AKAP19: variants seen among roughly 807,000 people sequenced by gnomAD.
The protein encoded by AKAP19 is small A-kinase anchoring protein.
chr2:190,028,191 C>T, the AKAP19 span, among the ~76,000 whole-genome samples: 86 of 152,138 alleles, frequency 5.7e-4, 1 homozygote, highest in East Asian at 0.016. Context: ...GAGAAGTAAA[C>T]ATAAAAGGAT....
At chr2:189,936,651 T>C in the AKAP19 span, among the ~76,000 whole-genome samples, 2 of 152,166 alleles carry the variant, frequency 1.3e-5, no homozygotes, top group Non-Finnish European at 2.9e-5. Flanking sequence ...ATTTTTTTAT[T>C]GATGAAATCC....
the AKAP19 span, among the ~76,000 whole-genome samples, chr2:190,177,634 G>A: frequency 6.6e-6 from 1 of 152,226 alleles, no homozygotes; most frequent in Admixed American, 6.5e-5. The surrounding 1 kb of genome is among the most constrained non-coding windows in gnomAD (Gnocchi z 4.6). Flanking sequence ...GAAGTTAAAG[G>A]TGCTCGTTTA....
At chr2:189,951,370 T>G in the AKAP19 span, among the ~76,000 whole-genome samples, 1 of 151,902 alleles carries the variant, frequency 6.6e-6, no homozygotes, top group African/African-American at 2.4e-5. Flanking sequence ...CCCGGCTAAT[T>G]TTTGTATTTT....
At chr2:190,174,857 G>A in the AKAP19 span, among the ~76,000 whole-genome samples, 1 of 152,280 alleles carries the variant, frequency 6.6e-6, no homozygotes, top group South Asian at 2.1e-4. Flanking sequence ...TTGGATTCAT[G>A]GGCCCAAGCA....
the AKAP19 span, among the ~76,000 whole-genome samples, chr2:189,925,349 C>A: frequency 6.6e-6 from 1 of 152,066 alleles, no homozygotes; most frequent in African/African-American, 2.4e-5. Flanking sequence ...TAATAATCTA[C>A]TCAAGTAATA....
At chr2:189,984,620 A>G in the AKAP19 span, among the ~76,000 whole-genome samples, 1 of 152,350 alleles carries the variant, frequency 6.6e-6, no homozygotes, top group South Asian at 2.1e-4. Flanking sequence ...TAAAGTAAAG[A>G]CAGGCATAGG....
At chr2:189,962,308 CG>C in the AKAP19 span, among the ~76,000 whole-genome samples, 2 of 152,146 alleles carry the variant, frequency 1.3e-5, no homozygotes, top group Non-Finnish European at 2.9e-5. Flanking sequence ...TCTAGGTTTG[CG>C]TAAGTATACT....
the AKAP19 span, among the ~76,000 whole-genome samples, chr2:190,064,661 C>G: frequency 6.6e-6 from 1 of 152,058 alleles, no homozygotes; most frequent in Admixed American, 6.6e-5. Context: ...TGAGTGCTTG[C>G]TCTTTGTTTT....
the AKAP19 span, among the ~76,000 whole-genome samples, chr2:189,909,166 A>C: frequency 6.6e-6 from 1 of 151,918 alleles, no homozygotes; most frequent in Non-Finnish European, 1.5e-5. Context: ...GTCTGATAGT[A>C]GAATAGTCAC....
At chr2:190,150,048 C>A in the AKAP19 span, among the ~76,000 whole-genome samples, 1 of 152,136 alleles carries the variant, frequency 6.6e-6, no homozygotes, top group Non-Finnish European at 1.5e-5. Flanking sequence ...AACCGAAGGG[C>A]TGGTTTCACT....
chr2:190,051,504 T>G, the AKAP19 span, among the ~76,000 whole-genome samples: 1 of 152,188 alleles, frequency 6.6e-6, no homozygotes, highest in African/African-American at 2.4e-5. Flanking sequence ...CACACACCTG[T>G]CTCAGTGAAG....
the AKAP19 span, among the ~76,000 whole-genome samples, chr2:190,125,410 G>T: frequency 1.3e-5 from 2 of 152,152 alleles, no homozygotes; most frequent in South Asian, 4.1e-4. Flanking sequence ...GTAATTCAGA[G>T]ATTATATCCA....
chr2:189,913,895 A>G, the AKAP19 span, among the ~76,000 whole-genome samples: 10 of 152,106 alleles, frequency 6.6e-5, no homozygotes, highest in Non-Finnish European at 1.3e-4. Context: ...AGTGACTACA[A>G]TAATCCAAAT....
chr2:190,192,421 CTA>C, the AKAP19 span, among the ~76,000 whole-genome samples: 2 of 147,548 alleles, frequency 1.4e-5, no homozygotes, highest in African/African-American at 5.1e-5. Flanking sequence ...TTTGGCCATT[CTA>C]GTTTGTGTTT....
the AKAP19 span, among the ~76,000 whole-genome samples, chr2:190,026,044 T>C: frequency 1.3e-5 from 2 of 152,232 alleles, no homozygotes; most frequent in Admixed American, 6.5e-5. Context: ...GAACATCTGC[T>C]CATTTTAAAA....
the AKAP19 span, among the ~76,000 whole-genome samples, chr2:189,908,656 G>A: frequency 6.6e-6 from 1 of 151,998 alleles, no homozygotes; most frequent in Non-Finnish European, 1.5e-5. Flanking sequence ...ACGTATTTGG[G>A]GATTTAAAAA....
chr2:190,048,254 C>T, the AKAP19 span, among the ~76,000 whole-genome samples: 1 of 152,078 alleles, frequency 6.6e-6, no homozygotes, highest in East Asian at 1.9e-4. Flanking sequence ...TTAATTTAGG[C>T]CCAGAGAGGC....
At chr2:190,201,440 G>A in the AKAP19 span, 5 of 167,004 alleles carry the variant, frequency 3.0e-5, no homozygotes, top group East Asian at 9.6e-4. Flanking sequence ...TAAATGGAAA[G>A]GAAATTATTT....
the AKAP19 span, among the ~76,000 whole-genome samples, chr2:189,950,348 T>G: frequency 2.4e-4 from 33 of 137,434 alleles, no homozygotes; most frequent in African/African-American, 4.7e-4. Flanking sequence ...TTTTTTTTTG[T>G]TTTTTTTTTT....
Sources: gnomAD v4.1 joint callset for allele counts (sites outside exome capture counted in the v4.1 genomes callset) on GRCh38, gnomAD v4.1.1 for gene constraint, Gnocchi (gnomAD v3.1) non-coding constraint, MANE v1.5 for transcripts, NCBI Gene and HGNC (gene_info 2026-07-23, HGNC 2026-07-21) for gene names.